CSPP1: variants seen among roughly 807,000 people sequenced by gnomAD.
CSPP1 encodes the protein centrosome and spindle pole associated protein 1.
In CSPP1, 126 loss-of-function variants were observed where a neutral mutation model predicts 164.4. That is an observed-to-expected ratio of 0.77 (90% CI 0.66 to 0.89). The LOEUF (loss-of-function observed/expected upper bound fraction) is 0.89, where lower values mean the gene tolerates loss of function less well. Ranked by LOEUF, CSPP1 falls within the 40% of genes least tolerant of loss-of-function variation. The pLI is 0.00. For missense variants in CSPP1, 1,395 were observed against 1,449.8 expected (o/e 0.96, Z 0.61); for synonymous variants, 472 against 476.7 (o/e 0.99, Z 0.13).
chr8:67,182,288 G>T (rs992056802), intron 28 of CSPP1, among the ~76,000 whole-genome samples: 8 of 151,868 alleles, frequency 5.3e-5, no homozygotes, highest in African/African-American at 1.9e-4. Context: ...GATTACAGGT[G>T]TGAGCTACCA....
At chr8:67,141,425 A>G (rs1044079028) in intron 17 of CSPP1, among the ~76,000 whole-genome samples, 2 of 152,252 alleles carry the variant, frequency 1.3e-5, no homozygotes, top group Non-Finnish European at 2.9e-5. Context: ...ATACTATTTT[A>G]TCAAATACAG....
At chr8:67,083,536 A>C (rs989984765) in intron 3 of CSPP1, among the ~76,000 whole-genome samples, 2 of 127,032 alleles carry the variant, frequency 1.6e-5, no homozygotes, top group Non-Finnish European at 3.2e-5. Context: ...TGTCTCAAAA[A>C]AAAAAAAAAA....
At chr8:67,177,349 C>T (rs1418662069) in intron 26 of CSPP1, among the ~76,000 whole-genome samples, 1 of 152,186 alleles carries the variant, frequency 6.6e-6, no homozygotes, top group African/African-American at 2.4e-5. Context: ...CCCTGTTTAA[C>T]TCCATGCAAC....
chr8:67,170,900 C>T (rs1046650932), intron 24 of CSPP1, among the ~76,000 whole-genome samples: 4 of 151,826 alleles, frequency 2.6e-5, no homozygotes, highest in Admixed American at 6.6e-5. Flanking sequence ...CGTTCTCCTG[C>T]CTCAGCCTCC....
intron 16 of CSPP1, among the ~76,000 whole-genome samples, chr8:67,136,760 T>C (rs1822381578): frequency 6.6e-6 from 1 of 151,700 alleles, no homozygotes; most frequent in African/African-American, 2.4e-5. Flanking sequence ...GGGTAGACTT[T>C]GTGGCTGGGC....
intron 28 of CSPP1, among the ~76,000 whole-genome samples, chr8:67,187,195 A>T (rs920152133): frequency 1.3e-5 from 2 of 152,230 alleles, no homozygotes; most frequent in Admixed American, 1.3e-4. Flanking sequence ...CCAGCAAGTT[A>T]TTATGTGGAT....
chr8:67,113,429 G>A (rs1416283174), intron 10 of CSPP1, among the ~76,000 whole-genome samples: 1 of 151,986 alleles, frequency 6.6e-6, no homozygotes, highest in African/African-American at 2.4e-5. Context: ...AGGAAGTATG[G>A]TAGATATATT....
chr8:67,104,844 T>C (rs1815048870), intron 8 of CSPP1, among the ~76,000 whole-genome samples: 1 of 150,424 alleles, frequency 6.6e-6, no homozygotes, highest in East Asian at 2.0e-4. Context: ...TTCACCATGT[T>C]AGCCAGGCTG....
rs541492271 is a variant in CSPP1 at position 67,066,082 on chromosome 8, G to T, written c.-11+1544G>T. ...TTTCAGCAATTTGGCATAACCCAAAGGCTAATTTATGCTACTGCCGTTAAT... is the reference window on the plus strand; with the variant it reads ...TTTCAGCAATTTGGCATAACCCAAATGCTAATTTATGCTACTGCCGTTAAT... On this transcript the variant is annotated intron_variant, in intron 1 of 30. Transcript: ENST00000678616. Among the ~76,000 whole-genome samples the T allele has an allele frequency of 9.2e-5, 14 of 152,252 alleles. No homozygotes were observed. In the South Asian group the frequency reaches 1.7e-3, roughly 18 times the overall value.
At chr8:67,070,557 C>T (rs1806533521) in intron 1 of CSPP1, among the ~76,000 whole-genome samples, 1 of 151,320 alleles carries the variant, frequency 6.6e-6, no homozygotes, top group Admixed American at 6.6e-5. Flanking sequence ...ATCACTTGAG[C>T]TTAGCAGTTC....
At chr8:67,078,636 C>T (rs1808469609) in intron 3 of CSPP1, among the ~76,000 whole-genome samples, 1 of 151,606 alleles carries the variant, frequency 6.6e-6, no homozygotes, top group Non-Finnish European at 1.5e-5. Context: ...TCTGGGATTA[C>T]AGGTGTGAGC....
At chr8:67,148,009 C>G (rs1482180323) in intron 17 of CSPP1, among the ~76,000 whole-genome samples, 1 of 151,732 alleles carries the variant, frequency 6.6e-6, no homozygotes, top group Non-Finnish European at 1.5e-5. Flanking sequence ...ACCTGCACCC[C>G]CCCGGCTTAA....
At chr8:67,091,193 C>G (rs1359708624) in intron 4 of CSPP1, among the ~76,000 whole-genome samples, 1 of 152,166 alleles carries the variant, frequency 6.6e-6, no homozygotes, top group African/African-American at 2.4e-5. Context: ...AGTGACTTCC[C>G]CATTGTTACA....
chr8:67,193,142 A>G (rs1484193224), intron 29 of CSPP1, among the ~76,000 whole-genome samples: 1 of 151,738 alleles, frequency 6.6e-6, no homozygotes, highest in Non-Finnish European at 1.5e-5. Context: ...TTTTTTTGAG[A>G]TAGAGTCTCT....
rs555281942 is a variant in CSPP1, at chr8:67,161,806, T to C, written c.2539-5T>C. 1.0e-4 allele frequency: 160 copies of C among 1,603,354 alleles called. 6 individuals are homozygous for C. The South Asian group carries it at 1.7e-3, about 17-fold the overall frequency. On this transcript the variant is annotated splice_region_variant and splice_polypyrimidine_tract_variant and intron_variant, in intron 21 of 30. Transcript: ENST00000678616. ...ATATGCTCTTAAATTTTTTAAATTTTTCAGCACATGAGACAGCCTTCTCCT... is the reference window on the plus strand; with the variant it reads ...ATATGCTCTTAAATTTTTTAAATTTCTCAGCACATGAGACAGCCTTCTCCT...
intron 15 of CSPP1, among the ~76,000 whole-genome samples, chr8:67,128,102 G>A (rs1335069222): frequency 6.6e-6 from 1 of 151,698 alleles, no homozygotes; most frequent in Non-Finnish European, 1.5e-5. Flanking sequence ...ATATTTCTAG[G>A]GTAACCACTA....
At chr8:67,088,569 T>C (rs1248407316) in intron 4 of CSPP1, among the ~76,000 whole-genome samples, 5 of 145,840 alleles carry the variant, frequency 3.4e-5, no homozygotes, top group Admixed American at 2.7e-4. Context: ...ATTACAGGCA[T>C]GAGCCACCGC....
At chr8:67,172,281 A>G (rs1219825284) in intron 24 of CSPP1, 135 bp from the exon 25 acceptor site, 2 of 619,424 alleles carry the variant, frequency 3.2e-6, no homozygotes, top group African/African-American at 3.7e-5. Context: ...AGTGTGAGCC[A>G]CAGCACCTGT....
At chr8:67,074,859 C>A in intron 2 of CSPP1, 1 of 230,702 alleles carries the variant, frequency 4.3e-6, no homozygotes, top group Non-Finnish European at 8.7e-6. Flanking sequence ...CAGCTCGCCA[C>A]AACCTCCGCC....
Sources: allele counts gnomAD v4.1 joint callset (sites outside exome capture counted in the v4.1 genomes callset), GRCh38; gene constraint gnomAD v4.1.1; transcripts MANE v1.5; gene names NCBI Gene and HGNC (gene_info 2026-07-23, HGNC 2026-07-21).